Variants in SERPINH1 observed in about 807,000 individuals in gnomAD.
SERPINH1 encodes the protein serpin H1.
In SERPINH1, 22 loss-of-function variants were observed where a neutral mutation model predicts 32.3. That is an observed-to-expected ratio of 0.68 (90% CI 0.49 to 0.97). SERPINH1 has a LOEUF of 0.97. Ranked by LOEUF, SERPINH1 falls within the 50% of genes least tolerant of loss-of-function variation. SERPINH1 has a pLI of 0.00. For missense variants in SERPINH1, 543 were observed against 576.4 expected (o/e 0.94, Z 0.59); for synonymous variants, 251 against 245.9 (o/e 1.02, Z -0.19).
chr11:75,572,361 A>C lies in SERPINH1; in HGVS notation c.*278A>C, dbSNP rs1942214353. 1 of 529,162 alleles carries C rather than the reference A, an allele frequency of 1.9e-6. No homozygotes were observed. Among genetic ancestry groups the C allele is most frequent in the African/African-American group, 1.9e-5 (1 of 52,352 alleles). 32.8% of individuals were successfully genotyped at this position (529,162 alleles called of 1,614,324 possible). ...ATTCTGCCTGCCCTGAAAGTCCCAGATCAAGCCTGCCTCAATCAGTATTCA... is the reference window on the plus strand; with the variant it reads ...ATTCTGCCTGCCCTGAAAGTCCCAGCTCAAGCCTGCCTCAATCAGTATTCA... On this transcript the variant is annotated 3_prime_UTR_variant, in exon 5 of 5. Coordinates refer to ENST00000358171, the MANE Select transcript of SERPINH1 (RefSeq NM_001235.5).
intron 2 of SERPINH1, 112 bp downstream of exon 2, chr11:75,567,083 C>A: frequency 2.4e-6 from 3 of 1,237,128 alleles, no homozygotes; most frequent in Non-Finnish European, 3.3e-6. Context: ...TATGCTGTGA[C>A]AACCCAGGGA....
rs1297011035 is a variant in SERPINH1, at chr11:75,566,580, G to A, written c.231G>A (p.Ser77=). The A allele has an allele frequency of 2.5e-6, 4 of 1,609,456 alleles. No individual in the cohort carries two copies. The highest frequency in any genetic ancestry group is 2.7e-5 in the African/African-American group (2 of 74,982). Residue 77 remains serine, a synonymous_variant, in exon 2 of 5, where the codon TCG becomes TCA. Coordinates refer to ENST00000358171, the MANE Select transcript of SERPINH1 (RefSeq NM_001235.5). The part of the protein sequence containing the change: ...ILVSPVVVAS[S]LGLVSLGGKA... ...TGTCACCCGTGGTGGTGGCCTCGTC[G>A]CTAGGGCTCGTGTCGCTGGGCGGCA...
At position 75,572,087 on chromosome 11, in the gene SERPINH1, C is replaced by G. The variant is rs550152153; in HGVS notation, c.*4C>G. ...CAAGATGCGAGACGAGTTATAGGGC[C>G]TCAGGGTGCACACAGGATGGCAGGA... On this transcript the variant is annotated 3_prime_UTR_variant, in exon 5 of 5. Transcript: ENST00000358171. 2.3e-4 allele frequency: 373 copies of G among 1,613,942 alleles called. 3 individuals are homozygous for G. The South Asian group carries it at 3.0e-3, about 13-fold the overall frequency.
At chr11:75,569,817 G>T (rs1052988788) in intron 4 of SERPINH1, among the ~76,000 whole-genome samples, 1 of 152,142 alleles carries the variant, frequency 6.6e-6, no homozygotes, top group Non-Finnish European at 1.5e-5. Context: ...GGCTCAGAAA[G>T]GTTAAGTAAC....
In SERPINH1 at chr11:75,566,319, C is replaced by T; in HGVS notation, c.-31C>T. On this transcript the variant is annotated 5_prime_UTR_variant, in exon 2 of 5. Transcript: ENST00000358171. ...CCTGTCTGTGCAATCCTCACAGGCC[C>T]ACCGTGGTGCACGCAAACCACTTCC... is the stretch of plus-strand genomic sequence containing the variant. 1 of 1,597,900 alleles carries T rather than the reference C, an allele frequency of 6.3e-7. No homozygotes were observed. The highest frequency in any genetic ancestry group is 8.5e-7 in the Non-Finnish European group (1 of 1,173,184).
intron 4 of SERPINH1, 99 bp from the exon 5 acceptor site, chr11:75,571,682 C>T: frequency 1.8e-6 from 2 of 1,133,206 alleles, no homozygotes; most frequent in Non-Finnish European, 2.6e-6. Flanking sequence ...TGGTTCTCTC[C>T]TCTCTGAGGA....
intron 1 of SERPINH1, among the ~76,000 whole-genome samples, chr11:75,564,451 C>G (rs146329629): frequency 0.014 from 2,187 of 152,282 alleles, 27 homozygotes; most frequent in Non-Finnish European, 0.021. Flanking sequence ...CTGCTGTGGT[C>G]TGAGCTCCAG....
chr11:75,571,552 C>T (rs1942194619), intron 4 of SERPINH1, among the ~76,000 whole-genome samples: 1 of 152,226 alleles, frequency 6.6e-6, no homozygotes. Context: ...TTTTCTGAGT[C>T]TCAGCTTCCT....
At chr11:75,567,533 G>A (rs981411510) in intron 2 of SERPINH1, among the ~76,000 whole-genome samples, 1 of 152,184 alleles carries the variant, frequency 6.6e-6, no homozygotes, top group Non-Finnish European at 1.5e-5. Context: ...TGTTGGCCAG[G>A]CTGGTCTCAA....
chr11:75,565,207 C>T (rs1475422495), intron 1 of SERPINH1, among the ~76,000 whole-genome samples: 1 of 152,148 alleles, frequency 6.6e-6, no homozygotes, highest in Non-Finnish European at 1.5e-5. Flanking sequence ...GGGGAGGAGG[C>T]CTGAGGGCAA....
At chr11:75,564,204 TAG>T (rs1356439385) in intron 1 of SERPINH1, among the ~76,000 whole-genome samples, 2 of 152,206 alleles carry the variant, frequency 1.3e-5, no homozygotes, top group Non-Finnish European at 2.9e-5. Flanking sequence ...CCGGTGGAGA[TAG>T]TTCAGCCTCC....
chr11:75,564,352 G>T (rs1942036614), intron 1 of SERPINH1, among the ~76,000 whole-genome samples: 1 of 152,194 alleles, frequency 6.6e-6, no homozygotes, highest in South Asian at 2.1e-4. Context: ...GCTGGTGGGG[G>T]TGGGGGCTGT....
At chr11:75,570,908 A>G (rs1942184744) in intron 4 of SERPINH1, among the ~76,000 whole-genome samples, 1 of 152,192 alleles carries the variant, frequency 6.6e-6, no homozygotes, top group Non-Finnish European at 1.5e-5. Context: ...AAGAGCCCTA[A>G]TGGGAGACAG....
At chr11:75,569,713 G>A (rs1942164541) in intron 4 of SERPINH1, among the ~76,000 whole-genome samples, 2 of 152,134 alleles carry the variant, frequency 1.3e-5, no homozygotes, top group East Asian at 1.9e-4. Context: ...GTGAGCCACC[G>A]TGCCCAGCCT....
Position 75,572,012 on chromosome 11 carries a change from C to G in SERPINH1, c.1186C>G (p.Gln396Glu). The change falls in exon 5 of 5, where the codon CAA (glutamine) becomes GAA (glutamate). Residue 396 changes from glutamine to glutamate, a missense_variant. Physicochemically the swap from Gln to Glu is conservative, Grantham distance 29. Transcript: ENST00000358171. ...HPFIFLVRDT[Q>E]SGSLLFIGRL... ...CTTCATCTTCCTAGTGCGGGACACC[C>G]AAAGCGGCTCCCTGCTATTCATTGG... 1.2e-6 allele frequency: 2 copies of G among 1,614,190 alleles called. No homozygotes were observed. Among genetic ancestry groups the G allele is most frequent in the Non-Finnish European group, 8.5e-7 (1 of 1,180,036 alleles).
intron 4 of SERPINH1, among the ~76,000 whole-genome samples, chr11:75,569,654 A>T (rs607933): frequency 6.6e-6 from 1 of 151,694 alleles, no homozygotes; most frequent in African/African-American, 2.4e-5. Context: ...AACTCCTGAC[A>T]TCAAGTGATC....
chr11:75,568,968 GAA>G lies in SERPINH1; in HGVS notation c.754_755del (p.Lys252AlafsTer30). ...CTACAACTACTACGACGACGAGAAGGAAAAGCTGCAAATCGTGGAGATGCCCC... is the reference window on the plus strand; with the variant it reads ...CTACAACTACTACGACGACGAGAAGGAAGCTGCAAATCGTGGAGATGCCCC... ...GLYNYYDDEK[E>X]KLQIVEMPLA... On this transcript the variant is annotated frameshift_variant, in exon 4 of 5. Transcript: ENST00000358171. LOFTEE classifies it high-confidence loss of function. 6.2e-7 allele frequency: 1 copy of G among 1,614,080 alleles called. No individual in the cohort carries two copies. Among genetic ancestry groups the G allele is most frequent in the East Asian group, 2.2e-5 (1 of 44,884 alleles).
intron 1 of SERPINH1, among the ~76,000 whole-genome samples, chr11:75,564,929 C>T (rs925372706): frequency 6.6e-6 from 1 of 152,196 alleles, no homozygotes; most frequent in African/African-American, 2.4e-5. Flanking sequence ...GGGTCTTCCA[C>T]CAGGATTTCA....
chr11:75,568,861 G>C (rs1238959466), intron 3 of SERPINH1, 32 bp downstream of exon 3: 1 of 1,606,386 alleles, frequency 6.2e-7, no homozygotes, highest in South Asian at 1.1e-5. Context: ...GTGTCAAGGT[G>C]GGTGGGGGTC....
Sources: allele counts gnomAD v4.1 joint callset (sites outside exome capture counted in the v4.1 genomes callset), GRCh38; gene constraint gnomAD v4.1.1; transcripts MANE v1.5; gene names NCBI Gene and HGNC (gene_info 2026-07-23, HGNC 2026-07-21).